NBAS: variants seen among roughly 807,000 people sequenced by gnomAD.
NBAS encodes the protein NAG/BC035112 fusion.
In NBAS, 219 loss-of-function variants were observed where a neutral mutation model predicts 302.5. The observed-to-expected ratio is 0.72, with a 90% CI of 0.65 to 0.81. The LOEUF (loss-of-function observed/expected upper bound fraction) is 0.81. NBAS is among the 30% of genes least tolerant of loss of function. The pLI, the probability that NBAS is intolerant of heterozygous loss-of-function variation, is 0.00. For missense variants in NBAS, 2,932 were observed against 2,841.6 expected (o/e 1.03, Z -0.72); for synonymous variants, 1,118 against 1,021.6 (o/e 1.09, Z -1.80).
intron 3 of NBAS, 144 bp downstream of exon 3, chr2:15,556,639 G>A: frequency 1.3e-6 from 1 of 753,568 alleles, no homozygotes; most frequent in Admixed American, 2.2e-5. Flanking sequence ...CTACCTAAAT[G>A]TTTGAAATGT....
chr2:15,347,623 T>C (rs1673156544), intron 35 of NBAS, among the ~76,000 whole-genome samples: 1 of 152,216 alleles, frequency 6.6e-6, no homozygotes, highest in South Asian at 2.1e-4. Flanking sequence ...GTGCAAATGA[T>C]TTTTTAATGG....
chr2:15,445,035 G>A (rs1456570121), intron 21 of NBAS, among the ~76,000 whole-genome samples: 1 of 151,034 alleles, frequency 6.6e-6, no homozygotes, highest in African/African-American at 2.4e-5. Context: ...GGAGAAATAG[G>A]AACACTTTTA....
chr2:15,353,372 G>A (rs1333037833), intron 34 of NBAS, among the ~76,000 whole-genome samples, 181 bp downstream of exon 34: 1 of 151,990 alleles, frequency 6.6e-6, no homozygotes, highest in Non-Finnish European at 1.5e-5. Context: ...CTGTTATAAA[G>A]CCAGCAACAT....
chr2:14,989,051 G>T, the NBAS span, among the ~76,000 whole-genome samples: 3 of 151,866 alleles, frequency 2.0e-5, no homozygotes, highest in African/African-American at 7.3e-5. Context: ...TTAAAACATC[G>T]CACATCTTCA....
At chr2:15,184,294 T>C (rs1057224630) in intron 50 of NBAS, among the ~76,000 whole-genome samples, 2 of 151,980 alleles carry the variant, frequency 1.3e-5, no homozygotes, top group Non-Finnish European at 2.9e-5. Flanking sequence ...GTCCACCCCA[T>C]GGAGGGGATA....
intron 48 of NBAS, among the ~76,000 whole-genome samples, chr2:15,204,079 T>C (rs978419631): frequency 1.3e-5 from 2 of 151,930 alleles, no homozygotes; most frequent in Non-Finnish European, 2.9e-5. Flanking sequence ...CTGAGCAACA[T>C]AGTGAGACCC....
the NBAS span, among the ~76,000 whole-genome samples, chr2:14,969,232 G>C: frequency 6.6e-6 from 1 of 152,092 alleles, no homozygotes; most frequent in Non-Finnish European, 1.5e-5. Flanking sequence ...GTTAGGTATG[G>C]GGTTCCTTTT....
At chr2:15,045,919 G>A in the NBAS span, among the ~76,000 whole-genome samples, 6 of 151,910 alleles carry the variant, frequency 3.9e-5, no homozygotes, top group Non-Finnish European at 7.4e-5. Flanking sequence ...AAGCCTGTAA[G>A]AGAGTGTGTA....
chr2:15,229,347 C>CAAAAAAAAAAAAAAA (rs61152926), intron 47 of NBAS, among the ~76,000 whole-genome samples: 26 of 76,910 alleles, frequency 3.4e-4, no homozygotes, highest in Non-Finnish European at 5.1e-4. Context: ...TCTCAAAAAA[C>CAAAAAAAAAAAAAAA]AAAAAAAAAA....
the NBAS span, among the ~76,000 whole-genome samples, chr2:15,067,693 G>A: frequency 6.6e-6 from 1 of 152,110 alleles, no homozygotes; most frequent in African/African-American, 2.4e-5. Context: ...GAAACGTGAA[G>A]TTGCTGTTGA....
chr2:15,023,615 C>G, the NBAS span, among the ~76,000 whole-genome samples: 29 of 88,842 alleles, frequency 3.3e-4, no homozygotes, highest in African/African-American at 1.2e-3. Context: ...TTAAATCTTG[C>G]CAATCAATGG....
chr2:15,131,619 A>G, the NBAS span, among the ~76,000 whole-genome samples: 1 of 152,142 alleles, frequency 6.6e-6, no homozygotes, highest in Non-Finnish European at 1.5e-5. Context: ...ATTATACTTT[A>G]AGTTTTAGGG....
intron 5 of NBAS, among the ~76,000 whole-genome samples, 164 bp downstream of exon 5, chr2:15,553,262 T>C (rs1664468313): frequency 6.6e-6 from 1 of 152,214 alleles, no homozygotes; most frequent in Non-Finnish European, 1.5e-5. Flanking sequence ...AAAGCATCCT[T>C]AATTTTTTAA....
chr2:15,555,848 T>C (rs1664620644), intron 3 of NBAS, among the ~76,000 whole-genome samples: 1 of 151,654 alleles, frequency 6.6e-6, no homozygotes, highest in Non-Finnish European at 1.5e-5. Context: ...TCTCAATAAA[T>C]AAAAAAAAGA....
At chr2:15,082,709 C>G in the NBAS span, among the ~76,000 whole-genome samples, 25 of 152,176 alleles carry the variant, frequency 1.6e-4, no homozygotes, top group Admixed American at 4.6e-4. Context: ...GCTCACTTCC[C>G]CAAACTTAGA....
chr2:15,512,548 G>A (rs1238419406), intron 9 of NBAS, among the ~76,000 whole-genome samples: 1 of 152,142 alleles, frequency 6.6e-6, no homozygotes, highest in Admixed American at 6.5e-5. Flanking sequence ...CTTAGGGAGA[G>A]TATCCTGAAT....
chr2:15,098,775 C>T, the NBAS span, among the ~76,000 whole-genome samples: 1 of 144,812 alleles, frequency 6.9e-6, no homozygotes, highest in Admixed American at 7.2e-5. Context: ...ATCTAGCTTG[C>T]TGCTTGCTTT....
the NBAS span, among the ~76,000 whole-genome samples, chr2:14,922,441 C>A: frequency 6.6e-6 from 1 of 152,192 alleles, no homozygotes; most frequent in African/African-American, 2.4e-5. Context: ...ATTCTAAAGG[C>A]TGGAAGTTCA....
At chr2:15,353,739 TC>T (rs1162373279) in intron 33 of NBAS, 29 bp from the exon 34 acceptor site, 8 of 1,613,632 alleles carry the variant, frequency 5.0e-6, no homozygotes, top group Non-Finnish European at 5.1e-6. Context: ...AAAAAATGAT[TC>T]CCAAAAGAAG....
Sources: allele counts gnomAD v4.1 joint callset (sites outside exome capture counted in the v4.1 genomes callset), GRCh38; gene constraint gnomAD v4.1.1; transcripts MANE v1.5; gene names NCBI Gene and HGNC (gene_info 2026-07-23, HGNC 2026-07-21).